The following CRTAC1 variants were observed in gnomAD, a reference collection of about 807,000 sequenced individuals.
CRTAC1 encodes cartilage acidic protein 1, also known as acidic secreted protein in cartilage.
Under a neutral mutation model 67.8 loss-of-function variants are expected in CRTAC1, and 37 were observed. The observed-to-expected ratio is 0.55, with a 90% confidence interval of 0.42 to 0.72. The LOEUF is 0.72. Ranked by LOEUF, CRTAC1 falls within the 30% of genes least tolerant of loss-of-function variation. The pLI is 0.00. For missense variants in CRTAC1, 780 were observed against 931.6 expected (o/e 0.84, Z 2.12); for synonymous variants, 348 against 371.0 (o/e 0.94, Z 0.71).
chr10:98,014,944 G>A (rs890770232), intron 1 of CRTAC1, among the ~76,000 whole-genome samples: 7 of 152,028 alleles, frequency 4.6e-5, no homozygotes, highest in African/African-American at 1.7e-4. Flanking sequence ...ATTCCACTTG[G>A]GCATATACAC....
intron 3 of CRTAC1, 61 bp from the exon 4 acceptor site, chr10:97,923,461 C>T: frequency 6.2e-7 from 1 of 1,600,320 alleles, no homozygotes; most frequent in Non-Finnish European, 8.5e-7. Context: ...GTTCTGATCT[C>T]TGGGTATGTC....
chr10:97,914,289 C>G (rs1457753227), intron 5 of CRTAC1, among the ~76,000 whole-genome samples: 1 of 152,128 alleles, frequency 6.6e-6, no homozygotes, highest in East Asian at 1.9e-4. Flanking sequence ...TCCCCCTGTA[C>G]CTTGCACAGT....
intron 3 of CRTAC1, among the ~76,000 whole-genome samples, chr10:97,933,255 T>A (rs1174216072): frequency 6.6e-6 from 1 of 152,206 alleles, no homozygotes; most frequent in Admixed American, 6.5e-5. Context: ...CAGACATCCC[T>A]CAAACCCACA....
Position 97,993,563 on chromosome 10 carries a change from C to T in CRTAC1, c.224+17575G>A, listed in dbSNP as rs116081448. On this transcript the variant is annotated intron_variant, in intron 2 of 14. Coordinates refer to ENST00000370597, the MANE Select transcript of CRTAC1 (RefSeq NM_018058.7). ...AGTGCTGAGCACACAACTATGCACA[C>T]GGTAGGGTAGGCTTGTAGAATTTGC... 1.5e-3 allele frequency among the ~76,000 whole-genome samples: 221 copies of T among 152,230 alleles called. 2 individuals carry two copies. Among genetic ancestry groups the T allele is most frequent in the Middle Eastern group, 0.01 (3 of 294 alleles).
intron 2 of CRTAC1, among the ~76,000 whole-genome samples, chr10:97,990,119 C>T (rs1842415403): frequency 6.6e-6 from 1 of 152,214 alleles, no homozygotes; most frequent in Non-Finnish European, 1.5e-5. Flanking sequence ...GGTAGCTGTA[C>T]TAGCATCTAT....
At chr10:97,961,758 T>A (rs906267701) in intron 2 of CRTAC1, among the ~76,000 whole-genome samples, 2 of 152,212 alleles carry the variant, frequency 1.3e-5, no homozygotes, top group African/African-American at 4.8e-5. Context: ...ATTGACTGGA[T>A]GCAGTGGCTC....
chr10:97,988,120 C>T (rs2052014501), intron 2 of CRTAC1, among the ~76,000 whole-genome samples: 1 of 152,098 alleles, frequency 6.6e-6, no homozygotes, highest in African/African-American at 2.4e-5. Flanking sequence ...GCGATCCTGG[C>T]CACATTTGGT....
chr10:97,890,917 T>A (rs1189670720), intron 11 of CRTAC1, among the ~76,000 whole-genome samples: 1 of 152,240 alleles, frequency 6.6e-6, no homozygotes, highest in Non-Finnish European at 1.5e-5. Context: ...TCTGCCCGCC[T>A]TGGCCTCCCA....
chr10:97,933,722 T>G (rs2051038735), intron 3 of CRTAC1, among the ~76,000 whole-genome samples: 1 of 152,254 alleles, frequency 6.6e-6, no homozygotes, highest in Middle Eastern at 3.2e-3. Context: ...GAATAGTAGG[T>G]GCTCAGTAAA....
chr10:97,886,876 C>A (rs2050293656), intron 11 of CRTAC1, among the ~76,000 whole-genome samples: 1 of 151,934 alleles, frequency 6.6e-6, no homozygotes, highest in African/African-American at 2.4e-5. Flanking sequence ...AACTCCTGAC[C>A]TCAAGTGATC....
At chr10:97,881,421 G>A (rs896352239) in intron 13 of CRTAC1, among the ~76,000 whole-genome samples, 13 of 152,308 alleles carry the variant, frequency 8.5e-5, no homozygotes, top group Admixed American at 3.9e-4. Context: ...ACAGTCTCCA[G>A]GGAGCACCTT....
intron 2 of CRTAC1, among the ~76,000 whole-genome samples, chr10:97,986,671 A>G (rs1177228976): frequency 6.6e-6 from 1 of 152,252 alleles, no homozygotes; most frequent in Non-Finnish European, 1.5e-5. Context: ...TTATGAAAAT[A>G]TTATTAGTAC....
chr10:97,894,308 A>G (rs1372514681), intron 11 of CRTAC1, among the ~76,000 whole-genome samples: 1 of 151,944 alleles, frequency 6.6e-6, no homozygotes, highest in African/African-American at 2.4e-5. Context: ...GCTATTTTTA[A>G]TTTTTGTTCT....
intron 7 of CRTAC1, 26 bp from the exon 8 acceptor site, chr10:97,901,665 G>A (rs2050544202): frequency 6.2e-7 from 1 of 1,613,814 alleles, no homozygotes; most frequent in Non-Finnish European, 8.5e-7. Flanking sequence ...CTGGGGGTCA[G>A]TGGCAGGAGA....
intron 1 of CRTAC1, among the ~76,000 whole-genome samples, chr10:98,026,633 C>A (rs554690289): frequency 1.3e-5 from 2 of 152,210 alleles, no homozygotes; most frequent in East Asian, 3.9e-4. Flanking sequence ...TCCTGCACCT[C>A]CCTCCTCCCG....
intron 14 of CRTAC1, among the ~76,000 whole-genome samples, chr10:97,873,363 A>G (rs1436952304): frequency 1.3e-5 from 2 of 152,184 alleles, no homozygotes; most frequent in East Asian, 1.9e-4. Flanking sequence ...AGACTTTCCA[A>G]TGACTGGGTG....
At chr10:97,987,599 C>A (rs1175549006) in intron 2 of CRTAC1, among the ~76,000 whole-genome samples, 1 of 152,230 alleles carries the variant, frequency 6.6e-6, no homozygotes, top group Non-Finnish European at 1.5e-5. Context: ...CTGTGAGCGG[C>A]GTTTATGTGC....
At chr10:97,924,007 A>G (rs948332287) in intron 3 of CRTAC1, among the ~76,000 whole-genome samples, 9 of 152,146 alleles carry the variant, frequency 5.9e-5, no homozygotes, top group African/African-American at 2.2e-4. Context: ...GGGGAGCCCC[A>G]GAAGGCAGTG....
At chr10:98,003,715 T>A (rs949119461) in intron 2 of CRTAC1, among the ~76,000 whole-genome samples, 2 of 152,350 alleles carry the variant, frequency 1.3e-5, no homozygotes, top group East Asian at 3.9e-4. Flanking sequence ...GGGATTAGGA[T>A]GTGGCATTTT....
Sources: allele counts gnomAD v4.1 joint callset (sites outside exome capture counted in the v4.1 genomes callset), GRCh38; gene constraint gnomAD v4.1.1; transcripts MANE v1.5; gene names NCBI Gene and HGNC (gene_info 2026-07-23, HGNC 2026-07-21).